Variants in WNT7B observed in about 807,000 individuals in gnomAD.
WNT7B encodes the protein protein Wnt-7b.
A neutral mutation model predicts 38.2 loss-of-function variants in WNT7B; 19 were observed. The ratio of observed to expected loss-of-function variants is 0.50; its 90% CI spans 0.35 to 0.73. The LOEUF is 0.73. WNT7B is among the 30% of genes least tolerant of loss of function. The pLI is 0.01. For synonymous variants in WNT7B, 243 were observed against 209.3 expected (o/e 1.16, Z -1.39); for missense variants, 423 against 507.9 (o/e 0.83, Z 1.61).
intron 1 of WNT7B, among the ~76,000 whole-genome samples, chr22:45,969,877 C>T (rs1932394396): frequency 6.6e-6 from 1 of 152,222 alleles, no homozygotes. Context: ...ATCCAAAGGC[C>T]AATGCCATCG....
rs373797326 is a variant in WNT7B, at chr22:45,966,916, C to T, written c.71+9768G>A. 4.0e-3 allele frequency among the ~76,000 whole-genome samples: 604 copies of T among 151,358 alleles called. 2 individuals are homozygous for T. The highest frequency in any genetic ancestry group is 0.011 in the South Asian group (51 of 4,736). ...AGGGACCCTCCCCAGCATCCCCGGC[C>T]CTCACTCCTGCATCTGCTTGTATGC... is the stretch of plus-strand genomic sequence containing the variant. On this transcript the variant is annotated intron_variant, in intron 1 of 3. Transcript: ENST00000339464. The surrounding 1 kb of genome is among the most constrained non-coding windows in gnomAD (Gnocchi z 4.2).
chr22:45,961,327 A>T (rs1932191119), intron 1 of WNT7B, among the ~76,000 whole-genome samples: 1 of 152,102 alleles, frequency 6.6e-6, no homozygotes, highest in Admixed American at 6.5e-5. Context: ...GAGAGCAGGG[A>T]ACAATCACCT....
intron 2 of WNT7B, among the ~76,000 whole-genome samples, chr22:45,944,877 C>T (rs1931757500): frequency 6.6e-6 from 1 of 152,180 alleles, no homozygotes; most frequent in South Asian, 2.1e-4. Flanking sequence ...CAGACTGCCC[C>T]ACCCCACACT....
intron 2 of WNT7B, among the ~76,000 whole-genome samples, chr22:45,937,034 C>T (rs9330789): frequency 0.15 from 22,729 of 152,104 alleles, 2,551 homozygotes; most frequent in African/African-American, 0.32. Context: ...ATTAACTGCA[C>T]GGAGGAGGAG....
chr22:45,929,893 CACTCATCTATCT>C (rs1931271502), intron 3 of WNT7B, among the ~76,000 whole-genome samples: 1 of 151,676 alleles, frequency 6.6e-6, no homozygotes, highest in African/African-American at 2.4e-5. Context: ...CCCACTCATC[CACTCATCTATCT>C]ACCCATCCAT....
At chr22:45,926,356 G>C (rs976281277) in intron 3 of WNT7B, 10 of 985,308 alleles carry the variant, frequency 1.0e-5, no homozygotes, top group Non-Finnish European at 1.2e-5. Flanking sequence ...GCTCCTCCAG[G>C]CCTTGGTTCC....
chr22:45,956,026 G>A (rs539601561), intron 1 of WNT7B, among the ~76,000 whole-genome samples: 1 of 152,282 alleles, frequency 6.6e-6, no homozygotes, highest in East Asian at 1.9e-4. Context: ...GGCTGCGGTG[G>A]GGGTGAGGGG....
chr22:45,925,264 T>G (rs1601713381), intron 3 of WNT7B: 1 of 984,964 alleles, frequency 1.0e-6, no homozygotes, highest in Non-Finnish European at 1.2e-6. Context: ...GGCTGGCAGG[T>G]GGGTGCCGGG....
At chr22:45,926,024 C>T in intron 3 of WNT7B, 1 of 985,444 alleles carries the variant, frequency 1.0e-6, no homozygotes, top group Non-Finnish European at 1.2e-6. Context: ...GGGAACCCAG[C>T]TGCATGCTAC....
intron 1 of WNT7B, among the ~76,000 whole-genome samples, chr22:45,953,247 C>T (rs1325247729): frequency 9.3e-6 from 1 of 107,880 alleles, no homozygotes; most frequent in Non-Finnish European, 2.0e-5. Context: ...TCACAGTCAC[C>T]GTGTCCTCGG....
intron 1 of WNT7B, chr22:45,954,576 G>A (rs1161527030): frequency 2.0e-6 from 2 of 985,228 alleles, no homozygotes; most frequent in South Asian, 4.7e-5. Flanking sequence ...GGCTGACAGA[G>A]CAGGGGGACT....
Position 45,976,628 on chromosome 22 carries a change from A to G in WNT7B, c.71+56T>C. The G allele has an allele frequency of 1.9e-6, 3 of 1,569,116 alleles. No individual in the cohort carries two copies. Among genetic ancestry groups the G allele is most frequent in the Non-Finnish European group, 2.6e-6 (3 of 1,152,666 alleles). On this transcript the variant is annotated intron_variant, in intron 1 of 3. Transcript: ENST00000339464. This position sits in a 1 kb window ranked among gnomAD's most constrained non-coding sequence, Gnocchi z 8.5. ...GTCCCCACGGGGACGCCCCGGAGGC[A>G]GCTCCTTCGTGCTGTCTTGGCCCCT...
At chr22:45,974,282 G>A (rs546620680) in intron 1 of WNT7B, among the ~76,000 whole-genome samples, 1 of 152,296 alleles carries the variant, frequency 6.6e-6, no homozygotes, top group Admixed American at 6.5e-5. Context: ...AGTGACAGGA[G>A]GACAGAACAG....
intron 3 of WNT7B, among the ~76,000 whole-genome samples, chr22:45,929,352 TTATCCATCCATC>T (rs1452515374): frequency 1.3e-5 from 2 of 151,378 alleles, no homozygotes; most frequent in African/African-American, 2.4e-5. Flanking sequence ...ACTCATTCCT[TTATCCATCCATC>T]TATTCACCCA....
intron 2 of WNT7B, among the ~76,000 whole-genome samples, chr22:45,935,563 G>A (rs1240797303): frequency 6.6e-6 from 1 of 152,088 alleles, no homozygotes; most frequent in Non-Finnish European, 1.5e-5. Flanking sequence ...CCTCCTCCCC[G>A]AATGCCCTCT....
chr22:45,927,191 G>C (rs1257177540), intron 3 of WNT7B: 1 of 985,302 alleles, frequency 1.0e-6, no homozygotes, highest in Non-Finnish European at 1.2e-6. Flanking sequence ...CATGTGCCAG[G>C]GGCAGAGCTG....
At chr22:45,962,895 G>C (rs926794976) in intron 1 of WNT7B, among the ~76,000 whole-genome samples, 5 of 152,252 alleles carry the variant, frequency 3.3e-5, no homozygotes, top group Non-Finnish European at 7.3e-5. Flanking sequence ...GTTGGAGAGA[G>C]CTGGCAGGCC....
intron 1 of WNT7B, among the ~76,000 whole-genome samples, chr22:45,959,861 G>A (rs747837881): frequency 3.2e-4 from 49 of 152,238 alleles, no homozygotes; most frequent in Admixed American, 2.1e-3. Context: ...GGGGAGACAC[G>A]AGATCTGACT....
At chr22:45,950,321 G>A (rs1931902641) in intron 1 of WNT7B, among the ~76,000 whole-genome samples, 175 bp from the exon 2 acceptor site, 1 of 152,138 alleles carries the variant, frequency 6.6e-6, no homozygotes, top group African/African-American at 2.4e-5. Context: ...TCACATGCGT[G>A]ACCCCAGGAG....
Sources: allele counts gnomAD v4.1 joint callset (sites outside exome capture counted in the v4.1 genomes callset), GRCh38; gene constraint gnomAD v4.1.1; non-coding constraint Gnocchi (gnomAD v3.1); transcripts MANE v1.5; gene names NCBI Gene and HGNC (gene_info 2026-07-23, HGNC 2026-07-21).